PCDH11X: variants seen among roughly 807,000 people sequenced by gnomAD.
PCDH11X encodes the protein protocadherin-11 X-linked.
A neutral mutation model predicts 53.3 loss-of-function variants in PCDH11X; 18 were observed. That is an observed-to-expected ratio of 0.34 (90% confidence interval 0.23 to 0.50). The LOEUF (loss-of-function observed/expected upper bound fraction) is 0.50. Among genes scored for constraint, PCDH11X ranks in the 20% least tolerant of loss-of-function variants. PCDH11X has a pLI of 0.98. For synonymous variants in PCDH11X, 279 were observed against 393.3 expected (o/e 0.71, Z 3.44); for missense variants, 570 against 1,032.4 (o/e 0.55, Z 6.14).
intron 6 of PCDH11X, among the ~76,000 whole-genome samples, chrX:92,157,140 A>G (rs2065551325): frequency 8.9e-6 from 1 of 111,850 alleles, no homozygotes; most frequent in Non-Finnish European, 1.9e-5. Context: ...AAGAAATTCT[A>G]TCTAATGTCC....
chrX:92,052,856 A>C (rs1312419026), intron 6 of PCDH11X, among the ~76,000 whole-genome samples: 1 of 110,025 alleles, frequency 9.1e-6, no homozygotes, highest in African/African-American at 3.3e-5. Flanking sequence ...ACACTATCAA[A>C]ACTTTATGAA....
At chrX:92,533,280 A>G (rs1602271958) in intron 10 of PCDH11X, among the ~76,000 whole-genome samples, 2 of 111,428 alleles carry the variant, frequency 1.8e-5, no homozygotes, top group African/African-American at 6.5e-5. Flanking sequence ...ACCCTATAAC[A>G]GGTCCTGCTC....
At chrX:92,261,787 T>C (rs2148413893) in intron 7 of PCDH11X, among the ~76,000 whole-genome samples, 1 of 112,013 alleles carries the variant, frequency 8.9e-6, no homozygotes, top group Admixed American at 9.5e-5. Context: ...AAGTGTATCA[T>C]TCATAATAAG....
intron 6 of PCDH11X, chrX:91,983,276 G>T: frequency 3.3e-6 from 3 of 902,156 alleles, no homozygotes; most frequent in Non-Finnish European, 4.9e-6. Flanking sequence ...TGTATTGTCG[G>T]TGTTCTATTT....
At chrX:92,032,342 T>C (rs1206684351) in intron 6 of PCDH11X, among the ~76,000 whole-genome samples, 1 of 111,666 alleles carries the variant, frequency 9.0e-6, no homozygotes, top group Non-Finnish European at 1.9e-5. Context: ...TATCCTGCAA[T>C]TTTACTAAAT....
At chrX:92,325,861 G>A (rs1468239331) in intron 8 of PCDH11X, among the ~76,000 whole-genome samples, 1 of 110,890 alleles carries the variant, frequency 9.0e-6, no homozygotes, top group African/African-American at 3.3e-5. Context: ...CAACTAACCT[G>A]CTCCTGTTAT....
chrX:92,109,151 G>A (rs762047582), intron 6 of PCDH11X, among the ~76,000 whole-genome samples: 32 of 111,358 alleles, frequency 2.9e-4, no homozygotes, highest in South Asian at 1.1e-3. Flanking sequence ...TTGGGAGGCC[G>A]AGGCAGGTGG....
intron 6 of PCDH11X, among the ~76,000 whole-genome samples, chrX:92,117,817 A>C (rs2064670435): frequency 8.9e-6 from 1 of 111,793 alleles, no homozygotes; most frequent in Admixed American, 9.6e-5. Context: ...TTGCTGAAAC[A>C]TAAGGCCTGA....
At chrX:92,035,245 G>C (rs36045107) in intron 6 of PCDH11X, among the ~76,000 whole-genome samples, 2 of 111,469 alleles carry the variant, frequency 1.8e-5, no homozygotes, top group African/African-American at 6.5e-5. Context: ...TTTATACCTT[G>C]GGATGATTTC....
At chrX:91,834,870 T>G in intron 4 of PCDH11X, 2 of 393,278 alleles carry the variant, frequency 5.1e-6, no homozygotes, top group Non-Finnish European at 6.4e-6. Context: ...TAGGCATTAG[T>G]CACATCAACC....
chrX:92,163,499 C>T (rs2065678377), intron 6 of PCDH11X, among the ~76,000 whole-genome samples: 1 of 110,817 alleles, frequency 9.0e-6, no homozygotes, highest in Non-Finnish European at 1.9e-5. Context: ...CCAGAGAGCC[C>T]ACAGGGCTTT....
intron 8 of PCDH11X, among the ~76,000 whole-genome samples, chrX:92,365,410 G>GT (rs1003920315): frequency 2.9e-4 from 32 of 110,063 alleles, no homozygotes; most frequent in Non-Finnish European, 5.1e-4. Flanking sequence ...TTGTTGTATT[G>GT]TTTTTTTAAA....
chrX:92,255,244 G>T (rs1429466930), intron 7 of PCDH11X, among the ~76,000 whole-genome samples: 1 of 106,618 alleles, frequency 9.4e-6, no homozygotes, highest in Non-Finnish European at 1.9e-5. Context: ...GGCTCCTGAG[G>T]CTTCTGCATT....
intron 10 of PCDH11X, among the ~76,000 whole-genome samples, chrX:92,485,276 CATT>C (rs928897765): frequency 9.0e-6 from 1 of 110,601 alleles, no homozygotes; most frequent in African/African-American, 3.3e-5. Context: ...ACCCCAGAAA[CATT>C]AGTAATTAAT....
intron 1 of PCDH11X, among the ~76,000 whole-genome samples, chrX:91,798,927 T>C (rs956742322): frequency 2.7e-5 from 3 of 110,486 alleles, no homozygotes; most frequent in African/African-American, 9.8e-5. Context: ...TTAATATATA[T>C]AATATACATA....
At chrX:92,452,502 T>G (rs187771258) in intron 9 of PCDH11X, among the ~76,000 whole-genome samples, 6 of 76,192 alleles carry the variant, frequency 7.9e-5, no homozygotes, top group African/African-American at 1.1e-4. Context: ...TATATATGTT[T>G]TTTTTTTTTT....
intron 5 of PCDH11X, among the ~76,000 whole-genome samples, chrX:91,858,368 C>A (rs1445209570): frequency 9.0e-6 from 1 of 111,697 alleles, no homozygotes; most frequent in Non-Finnish European, 1.9e-5. Flanking sequence ...GTCATTTTCC[C>A]ATTGTCTTCT....
intron 5 of PCDH11X, among the ~76,000 whole-genome samples, chrX:91,860,151 G>A (rs1018439106): frequency 4.5e-4 from 50 of 110,179 alleles, no homozygotes; most frequent in Middle Eastern, 4.8e-3. Flanking sequence ...TTGAGCAGTC[G>A]TTTGTAGTTC....
intron 1 of PCDH11X, among the ~76,000 whole-genome samples, chrX:91,805,839 T>TG (rs1936085433): frequency 9.2e-6 from 1 of 108,596 alleles, no homozygotes. Context: ...TTAAAATAAG[T>TG]GATTAGGACA....
Sources: gnomAD v4.1 joint callset for allele counts (sites outside exome capture counted in the v4.1 genomes callset) on GRCh38, gnomAD v4.1.1 for gene constraint, MANE v1.5 for transcripts, NCBI Gene and HGNC (gene_info 2026-07-23, HGNC 2026-07-21) for gene names.